The following MTCL1 variants were observed in gnomAD, a reference collection of about 807,000 sequenced individuals.
The protein encoded by MTCL1 is microtubule cross-linking factor 1.
MTCL1 carries 79 observed loss-of-function variants against 141.4 expected under a neutral mutation model. That is an observed-to-expected ratio of 0.56 (90% CI 0.47 to 0.67). The LOEUF (loss-of-function observed/expected upper bound fraction) is 0.67, where lower values mean the gene tolerates loss of function less well. Ranked by LOEUF, MTCL1 falls within the 30% of genes least tolerant of loss-of-function variation. MTCL1 has a pLI of 0.00. For synonymous variants in MTCL1, 914 were observed against 875.8 expected (o/e 1.04, Z -0.77); for missense variants, 2,177 against 2,113.9 (o/e 1.03, Z -0.59).
chr18:8,747,036 C>T (rs914417687), intron 4 of MTCL1, among the ~76,000 whole-genome samples: 1 of 152,148 alleles, frequency 6.6e-6, no homozygotes, highest in South Asian at 2.1e-4. Context: ...CGCGACGATG[C>T]TCACCCTTCC....
chr18:8,785,629 G>A (rs982901710), intron 6 of MTCL1: 18 of 345,684 alleles, frequency 5.2e-5, no homozygotes, highest in East Asian at 1.2e-4. Flanking sequence ...TTCACGCATC[G>A]CCATCGCATG....
chr18:8,709,613 A>G (rs1286731963), intron 1 of MTCL1, among the ~76,000 whole-genome samples: 1 of 152,188 alleles, frequency 6.6e-6, no homozygotes, highest in Non-Finnish European at 1.5e-5. Flanking sequence ...AATGTATCTG[A>G]TAAGAGGCTC....
At chr18:8,797,759 C>G (rs1302261329) in intron 9 of MTCL1, among the ~76,000 whole-genome samples, 1 of 152,212 alleles carries the variant, frequency 6.6e-6, no homozygotes, top group African/African-American at 2.4e-5. Flanking sequence ...TTAAGCAAAG[C>G]CTAGAAATTG....
intron 14 of MTCL1, among the ~76,000 whole-genome samples, chr18:8,824,097 G>A (rs2076934699): frequency 6.6e-6 from 1 of 152,176 alleles, no homozygotes; most frequent in African/African-American, 2.4e-5. Flanking sequence ...GGCAGCCCCA[G>A]CCCCGTTCCT....
intron 4 of MTCL1, among the ~76,000 whole-genome samples, chr18:8,768,848 G>A (rs1182832656): frequency 6.9e-6 from 1 of 144,048 alleles, no homozygotes; most frequent in East Asian, 2.1e-4. Flanking sequence ...CTGGAGTGCA[G>A]TGGCGCGATC....
At chr18:8,792,939 C>A in intron 7 of MTCL1, 59 bp from the exon 7 acceptor site, 1 of 1,599,264 alleles carries the variant, frequency 6.3e-7, no homozygotes, top group South Asian at 1.1e-5. Flanking sequence ...TGTCCTGCGT[C>A]GTCACCTCAG....
chr18:8,765,079 G>A (rs367738329), intron 4 of MTCL1, among the ~76,000 whole-genome samples: 10 of 152,324 alleles, frequency 6.6e-5, no homozygotes, highest in South Asian at 2.1e-4. Context: ...GTTGATACCC[G>A]GTGGGATGAA....
At chr18:8,831,458 C>T (rs2077188863) in intron 16 of MTCL1, 149 bp from the exon 15 acceptor site, 3 of 1,439,584 alleles carry the variant, frequency 2.1e-6, no homozygotes, top group Admixed American at 2.8e-5. Flanking sequence ...AGTTATTCTG[C>T]ATGAGCATAG....
chr18:8,756,845 T>G (rs538064087), intron 4 of MTCL1, among the ~76,000 whole-genome samples: 76 of 152,296 alleles, frequency 5.0e-4, no homozygotes, highest in African/African-American at 1.8e-3. Flanking sequence ...GGGCAAGGTC[T>G]CCTCTTAGAG....
At chr18:8,729,444 C>A (rs1345286404) in intron 4 of MTCL1, among the ~76,000 whole-genome samples, 10 of 151,724 alleles carry the variant, frequency 6.6e-5, no homozygotes, top group African/African-American at 1.9e-4. Context: ...CCCTCTGTCA[C>A]CCAGATTGGA....
intron 12 of MTCL1, among the ~76,000 whole-genome samples, chr18:8,816,765 T>G (rs1424135541): frequency 6.6e-6 from 1 of 152,246 alleles, no homozygotes; most frequent in Non-Finnish European, 1.5e-5. Flanking sequence ...GGTGACACTC[T>G]CGAGGGTTTA....
chr18:8,723,332 A>G (rs1598393991), intron 4 of MTCL1, among the ~76,000 whole-genome samples: 1 of 152,226 alleles, frequency 6.6e-6, no homozygotes, highest in Non-Finnish European at 1.5e-5. Flanking sequence ...AAGCCAGTAC[A>G]AACAGGCTGA....
At chr18:8,776,135 A>C (rs2096507249) in intron 4 of MTCL1, among the ~76,000 whole-genome samples, 1 of 152,204 alleles carries the variant, frequency 6.6e-6, no homozygotes, top group Non-Finnish European at 1.5e-5. Flanking sequence ...GGCTCTGAGC[A>C]GACCTCAGAT....
intron 11 of MTCL1, chr18:8,809,735 C>T (rs999693607): frequency 3.5e-5 from 33 of 950,180 alleles, no homozygotes; most frequent in East Asian, 1.6e-4. Flanking sequence ...GGTGCCTGGG[C>T]GATGGGCCAT....
In MTCL1 at chr18:8,813,168, C is replaced by T. The variant is rs1223064162; in HGVS notation, c.2794C>T (p.Arg932Cys). 3.7e-6 allele frequency: 6 copies of T among 1,613,620 alleles called. No homozygotes were observed. The East Asian group carries it at 8.9e-5, about 24-fold the overall frequency. ...CCGGGAGAAGGTGGAACTTCTCGAC[C>T]GCCTGGACAGAGATCGGCAGGAGTG... The change falls in exon 12 of 17, where the codon CGC becomes TGC. Residue 932 changes from arginine to cysteine, a missense_variant. By Grantham distance (180) the Arg-to-Cys change is radical. Coordinates refer to ENST00000359865, the Ensembl canonical transcript of MTCL1.
At chr18:8,717,988 G>A (rs2096140945) in intron 2 of MTCL1, 2 of 1,014,824 alleles carry the variant, frequency 2.0e-6, no homozygotes, top group African/African-American at 3.4e-5. Flanking sequence ...AGGGCAATTA[G>A]CACTTGTTAT....
intron 12 of MTCL1, 67 bp from the exon 12 acceptor site, chr18:8,818,896 G>A (rs2076748995): frequency 2.2e-5 from 32 of 1,476,790 alleles, no homozygotes; most frequent in Non-Finnish European, 2.8e-5. Context: ...GTGGAGAAAC[G>A]ATGTTCTTAG....
At chr18:8,735,462 C>G (rs1381761168) in intron 4 of MTCL1, among the ~76,000 whole-genome samples, 7 of 152,178 alleles carry the variant, frequency 4.6e-5, no homozygotes, top group Admixed American at 4.6e-4. Context: ...TGGGTGGTCT[C>G]TGACCTGTCC....
At chr18:8,793,211 T>G in intron 8 of MTCL1, 91 bp downstream of exon 7, 4 of 1,553,848 alleles carry the variant, frequency 2.6e-6, no homozygotes, top group Non-Finnish European at 8.7e-7. Flanking sequence ...AAGAAGGCTG[T>G]CTGTTGCGTA....
Sources: allele counts gnomAD v4.1 joint callset (sites outside exome capture counted in the v4.1 genomes callset), GRCh38; gene constraint gnomAD v4.1.1; transcripts MANE v1.5; gene names NCBI Gene and HGNC (gene_info 2026-07-23, HGNC 2026-07-21).